Variants in AUTS2 observed in about 807,000 individuals in gnomAD.
The protein encoded by AUTS2 is autism susceptibility gene 2 protein.
A neutral mutation model predicts 112.4 loss-of-function variants in AUTS2; 17 were observed. The observed-to-expected ratio is 0.15, with a 90% CI of 0.10 to 0.23. The LOEUF (loss-of-function observed/expected upper bound fraction) is 0.23, where lower values mean the gene tolerates loss of function less well. Among genes scored for constraint, AUTS2 ranks in the 10% least tolerant of loss-of-function variants. The pLI, the probability that AUTS2 is intolerant of heterozygous loss-of-function variation, is 1.00. For missense variants in AUTS2, 1,510 were observed against 1,701.6 expected, an observed-to-expected ratio of 0.89 and a Z score of 1.98; for synonymous variants, 751 against 702.7, an observed-to-expected ratio of 1.07 and a Z score of -1.09.
intron 8 of AUTS2, among the ~76,000 whole-genome samples, 196 bp downstream of exon 8, chr7:70,765,201 G>A (rs1293093869): frequency 6.6e-6 from 1 of 152,150 alleles, no homozygotes; most frequent in Non-Finnish European, 1.5e-5. Flanking sequence ...AGCTAGCTCA[G>A]CCCCTGTGAA....
intron 6 of AUTS2, among the ~76,000 whole-genome samples, chr7:70,728,456 C>T (rs1345214053): frequency 6.6e-6 from 1 of 152,018 alleles, no homozygotes; most frequent in African/African-American, 2.4e-5. Context: ...TGCCTGTAAT[C>T]TCAGCATTTT....
intron 6 of AUTS2, among the ~76,000 whole-genome samples, chr7:70,721,313 T>TGTGTGTGTGTGTGTG (rs1563151700): frequency 1.3e-4 from 20 of 151,242 alleles, no homozygotes; most frequent in South Asian, 8.4e-4. Context: ...TGTGTGTGTG[T>TGTGTGTGTGTGTGTG]TTCCGATGGA....
At chr7:69,680,811 G>A (rs906779383) in intron 1 of AUTS2, among the ~76,000 whole-genome samples, 3 of 151,886 alleles carry the variant, frequency 2.0e-5, no homozygotes, top group African/African-American at 4.8e-5. Context: ...CTGGGATTAC[G>A]GGCTCGCGCC....
chr7:70,696,774 T>G lies in AUTS2; in HGVS notation c.691-1795T>G, dbSNP rs184674590. Among the ~76,000 whole-genome samples, 116 of 152,356 alleles carry G rather than the reference T, an allele frequency of 7.6e-4. No individual in the cohort carries two copies. In the East Asian group the frequency reaches 0.019, roughly 25 times the overall value. On this transcript the variant is annotated intron_variant, in intron 5 of 18. Coordinates refer to ENST00000342771, the MANE Select transcript of AUTS2 (RefSeq NM_015570.4). Reference sequence around the variant, plus strand: ...TTTTGCATTCAGAGACAGTAATTTGTTTTTACATTTCTTGGGGCCAATTAG... The same window carrying G: ...TTTTGCATTCAGAGACAGTAATTTGGTTTTACATTTCTTGGGGCCAATTAG...
At chr7:69,767,181 C>T (rs11971626) in intron 1 of AUTS2, among the ~76,000 whole-genome samples, 4,949 of 151,190 alleles carry the variant, frequency 0.033, 269 homozygotes, top group African/African-American at 0.11. Context: ...TCTTTGTCAT[C>T]GTCTTTTTTT....
At chr7:69,670,366 A>G (rs1203078245) in intron 1 of AUTS2, among the ~76,000 whole-genome samples, 2 of 152,076 alleles carry the variant, frequency 1.3e-5, no homozygotes, top group African/African-American at 4.8e-5. Context: ...TTTGTAGCAG[A>G]GGGGAAAAAT....
intron 1 of AUTS2, among the ~76,000 whole-genome samples, chr7:69,768,496 ATGT>A (rs1239260149): frequency 6.6e-6 from 1 of 152,174 alleles, no homozygotes; most frequent in Non-Finnish European, 1.5e-5. Context: ...TAATAAATTA[ATGT>A]TGTATTTACA....
intron 1 of AUTS2, among the ~76,000 whole-genome samples, chr7:69,783,400 G>T (rs1377951384): frequency 6.6e-6 from 1 of 152,116 alleles, no homozygotes. Context: ...CATTTGAGTA[G>T]ATGCTTGTTC....
chr7:70,018,716 T>G (rs887389827), intron 2 of AUTS2, among the ~76,000 whole-genome samples: 2 of 152,184 alleles, frequency 1.3e-5, no homozygotes, highest in Admixed American at 1.3e-4. Context: ...GTGAGTTGCT[T>G]ATAGTAGGAG....
intron 4 of AUTS2, among the ~76,000 whole-genome samples, chr7:70,283,304 C>G (rs560549351): frequency 6.6e-6 from 1 of 152,232 alleles, no homozygotes; most frequent in African/African-American, 2.4e-5. Flanking sequence ...ATCTGTGCTT[C>G]TCTGCACCAT....
chr7:70,708,270 G>A (rs1042101831), intron 6 of AUTS2, among the ~76,000 whole-genome samples: 5 of 152,106 alleles, frequency 3.3e-5, no homozygotes, highest in Admixed American at 6.5e-5. Context: ...CAGCTCCTCC[G>A]CAGGACCTCT....
chr7:70,161,596 A>C (rs936264105), intron 4 of AUTS2, among the ~76,000 whole-genome samples: 1 of 149,832 alleles, frequency 6.7e-6, no homozygotes, highest in African/African-American at 2.5e-5. Flanking sequence ...TTAACCTTAG[A>C]TTATTTGTTC....
intron 2 of AUTS2, among the ~76,000 whole-genome samples, chr7:69,994,381 A>G (rs1798859158): frequency 6.6e-6 from 1 of 152,174 alleles, no homozygotes; most frequent in Admixed American, 6.5e-5. Flanking sequence ...AGGTTTTAAA[A>G]CAAACTAAGG....
chr7:69,664,094 G>A (rs565979070), intron 1 of AUTS2, among the ~76,000 whole-genome samples: 2 of 152,288 alleles, frequency 1.3e-5, no homozygotes, highest in African/African-American at 4.8e-5. Context: ...CAGTCTGTGT[G>A]CCTGTCTTTC....
chr7:69,905,602 GT>G (rs1421087159), intron 2 of AUTS2, among the ~76,000 whole-genome samples: 1 of 152,084 alleles, frequency 6.6e-6, no homozygotes. Flanking sequence ...CTCTGTTTTT[GT>G]TTTATCTGGA....
At chr7:69,849,552 C>A (rs982010290) in intron 1 of AUTS2, among the ~76,000 whole-genome samples, 3 of 152,048 alleles carry the variant, frequency 2.0e-5, no homozygotes, top group African/African-American at 7.2e-5. Flanking sequence ...TACCTCCTGG[C>A]AAGTACTAAT....
At chr7:69,656,629 T>C (rs548226093) in intron 1 of AUTS2, among the ~76,000 whole-genome samples, 11 of 152,292 alleles carry the variant, frequency 7.2e-5, no homozygotes, top group African/African-American at 2.4e-4. Flanking sequence ...CTCCCTGACA[T>C]TGAAGAGACT....
At chr7:69,974,668 G>T (rs1335942891) in intron 2 of AUTS2, among the ~76,000 whole-genome samples, 1 of 152,076 alleles carries the variant, frequency 6.6e-6, no homozygotes, top group East Asian at 1.9e-4. Context: ...TTCTGTTTGG[G>T]TCTCAATGGA....
At chr7:70,542,436 C>A (rs1020178182) in intron 5 of AUTS2, among the ~76,000 whole-genome samples, 2 of 152,176 alleles carry the variant, frequency 1.3e-5, no homozygotes, top group African/African-American at 4.8e-5. Flanking sequence ...AGACACTACA[C>A]AAGGTTTTTT....
Sources: gnomAD v4.1 joint callset for allele counts (sites outside exome capture counted in the v4.1 genomes callset) on GRCh38, gnomAD v4.1.1 for gene constraint, MANE v1.5 for transcripts, NCBI Gene and HGNC (gene_info 2026-07-23, HGNC 2026-07-21) for gene names.